CTNND2: variants seen among roughly 807,000 people sequenced by gnomAD.
The protein encoded by CTNND2 is catenin delta-2.
CTNND2 carries 22 observed loss-of-function variants against 144.4 expected under a neutral mutation model. The ratio of observed to expected loss-of-function variants is 0.15; its 90% CI spans 0.11 to 0.22. CTNND2 has a LOEUF of 0.22. Ranked by LOEUF, CTNND2 falls within the 10% of genes least tolerant of loss-of-function variation. The pLI, the probability that CTNND2 is intolerant of heterozygous loss-of-function variation, is 1.00. For synonymous variants in CTNND2, 751 were observed against 695.6 expected, an observed-to-expected ratio of 1.08 and a Z score of -1.25; for missense variants, 1,353 against 1,618.8, an observed-to-expected ratio of 0.84 and a Z score of 2.82.
chr5:11,744,613 G>T (rs1197305371), intron 1 of CTNND2, among the ~76,000 whole-genome samples: 1 of 152,272 alleles, frequency 6.6e-6, no homozygotes, highest in South Asian at 2.1e-4. Flanking sequence ...TCGAAACACT[G>T]CCAGAGAAGA....
intron 7 of CTNND2, among the ~76,000 whole-genome samples, chr5:11,373,956 G>A (rs1757684847): frequency 6.6e-6 from 1 of 152,200 alleles, no homozygotes; most frequent in Non-Finnish European, 1.5e-5. Context: ...AAGTCCCTGG[G>A]AGGTCACAGG....
At chr5:11,441,266 C>T (rs1581202447) in intron 3 of CTNND2, among the ~76,000 whole-genome samples, 1 of 151,772 alleles carries the variant, frequency 6.6e-6, no homozygotes, top group African/African-American at 2.4e-5. Flanking sequence ...TTCACTTGCC[C>T]CGAACAGAGT....
chr5:11,033,423 A>G (rs1189065600), intron 16 of CTNND2, among the ~76,000 whole-genome samples: 1 of 152,242 alleles, frequency 6.6e-6, no homozygotes, highest in East Asian at 1.9e-4. Context: ...TCCCAATTTG[A>G]TTGGCTTATG....
intron 3 of CTNND2, among the ~76,000 whole-genome samples, chr5:11,467,246 C>A (rs369978955): frequency 6.6e-6 from 1 of 152,208 alleles, no homozygotes; most frequent in African/African-American, 2.4e-5. Flanking sequence ...CTGGCCTGCC[C>A]GACCCCAGGC....
At chr5:11,402,347 A>C (rs1760714463) in intron 5 of CTNND2, among the ~76,000 whole-genome samples, 1 of 152,254 alleles carries the variant, frequency 6.6e-6, no homozygotes, top group African/African-American at 2.4e-5. Flanking sequence ...ACTTACATAC[A>C]AAAGGGTTAT....
intron 1 of CTNND2, among the ~76,000 whole-genome samples, chr5:11,785,150 A>G (rs779669388): frequency 2.0e-5 from 3 of 152,210 alleles, no homozygotes; most frequent in Non-Finnish European, 4.4e-5. Context: ...TCCTCACATC[A>G]AAACATAAAT....
intron 2 of CTNND2, among the ~76,000 whole-genome samples, chr5:11,587,742 A>G (rs893293992): frequency 6.6e-6 from 1 of 152,236 alleles, no homozygotes; most frequent in South Asian, 2.1e-4. Flanking sequence ...TTTTATAAAG[A>G]CTTTATAAAT....
intron 9 of CTNND2, among the ~76,000 whole-genome samples, chr5:11,291,606 A>G (rs1379531698): frequency 6.6e-6 from 1 of 152,136 alleles, no homozygotes; most frequent in African/African-American, 2.4e-5. Context: ...CTTAAAGAAA[A>G]GAAACTCTGG....
At chr5:11,771,223 G>A (rs1431145139) in intron 1 of CTNND2, among the ~76,000 whole-genome samples, 2 of 85,700 alleles carry the variant, frequency 2.3e-5, no homozygotes, top group Admixed American at 1.7e-4. Context: ...ATGGAGTCTC[G>A]CCCTGTCTCC....
intron 3 of CTNND2, among the ~76,000 whole-genome samples, chr5:11,520,435 C>A (rs958628189): frequency 1.3e-5 from 2 of 152,320 alleles, no homozygotes; most frequent in Middle Eastern, 3.4e-3. Context: ...CTGGATTTAG[C>A]CACTCTCTCA....
At chr5:11,582,163 C>T (rs1238586248) in intron 2 of CTNND2, among the ~76,000 whole-genome samples, 1 of 152,100 alleles carries the variant, frequency 6.6e-6, no homozygotes, top group Non-Finnish European at 1.5e-5. Flanking sequence ...TGGGAAGCCC[C>T]TGTATGAGAG....
At chr5:11,411,925 CG>C (rs1761571435) in intron 4 of CTNND2, 109 bp downstream of exon 4, 7 of 883,736 alleles carry the variant, frequency 7.9e-6, no homozygotes, top group Non-Finnish European at 1.1e-5. Context: ...ATTTTACTAT[CG>C]GGATGTTTTC....
chr5:11,724,516 G>C (rs1038457408), intron 2 of CTNND2, among the ~76,000 whole-genome samples: 1 of 152,086 alleles, frequency 6.6e-6, no homozygotes, highest in Non-Finnish European at 1.5e-5. Flanking sequence ...TAATAGGTGG[G>C]CTGGATTCCA....
At chr5:11,641,680 A>C (rs1782024165) in intron 2 of CTNND2, among the ~76,000 whole-genome samples, 1 of 130,704 alleles carries the variant, frequency 7.7e-6, no homozygotes, top group Admixed American at 7.2e-5. Context: ...GTGTGTATAT[A>C]CATATACGTG....
intron 1 of CTNND2, among the ~76,000 whole-genome samples, chr5:11,868,073 T>A (rs1212535539): frequency 6.6e-6 from 1 of 151,904 alleles, no homozygotes; most frequent in African/African-American, 2.4e-5. Flanking sequence ...GAACTAACAC[T>A]TACCATTATG....
intron 2 of CTNND2, among the ~76,000 whole-genome samples, chr5:11,682,791 C>T (rs1403995425): frequency 6.6e-6 from 1 of 152,120 alleles, no homozygotes; most frequent in Non-Finnish European, 1.5e-5. Flanking sequence ...ATAACCAAAC[C>T]AAGAGGCTTC....
intron 12 of CTNND2, among the ~76,000 whole-genome samples, chr5:11,149,068 C>T (rs1296887071): frequency 1.3e-5 from 2 of 152,218 alleles, no homozygotes; most frequent in Non-Finnish European, 2.9e-5. Flanking sequence ...TAAGGAGAAA[C>T]GCTGCCCTTC....
At chr5:11,831,201 T>C (rs1023857997) in intron 1 of CTNND2, among the ~76,000 whole-genome samples, 1 of 150,416 alleles carries the variant, frequency 6.6e-6, no homozygotes. Context: ...GTTGATATTA[T>C]ATTTTTGTGC....
At chr5:11,392,138 C>T (rs1759686274) in intron 6 of CTNND2, among the ~76,000 whole-genome samples, 1 of 152,114 alleles carries the variant, frequency 6.6e-6, no homozygotes, top group South Asian at 2.1e-4. Flanking sequence ...TAGAAGGAGG[C>T]GGCAATGGAT....
Sources: gnomAD v4.1 joint callset for allele counts (sites outside exome capture counted in the v4.1 genomes callset) on GRCh38, gnomAD v4.1.1 for gene constraint, MANE v1.5 for transcripts, NCBI Gene and HGNC (gene_info 2026-07-23, HGNC 2026-07-21) for gene names.